The following TMEM123 variants were observed in gnomAD, a reference collection of about 807,000 sequenced individuals.
TMEM123 encodes the protein transmembrane protein 123.
Under a neutral mutation model 19.7 loss-of-function variants are expected in TMEM123, and 16 were observed. The observed-to-expected ratio is 0.81, with a 90% CI of 0.55 to 1.23. The LOEUF is 1.23. Among genes scored for constraint, TMEM123 ranks in the 50% most tolerant of loss-of-function variants. The probability of loss-of-function intolerance (pLI) is 0.00; values close to 1 mark genes in which losing one functional copy is unlikely to be tolerated. For missense variants in TMEM123, 313 were observed against 257.8 expected, an observed-to-expected ratio of 1.21 and a Z score of -1.47; for synonymous variants, 118 against 99.4, an observed-to-expected ratio of 1.19 and a Z score of -1.12.
chr11:102,437,040 A>G (rs766464842), intron 2 of TMEM123, among the ~76,000 whole-genome samples: 2 of 152,212 alleles, frequency 1.3e-5, no homozygotes, highest in African/African-American at 2.4e-5. Flanking sequence ...TGAAAAGGAA[A>G]AAAACCAAAT....
intron 2 of TMEM123, among the ~76,000 whole-genome samples, chr11:102,411,980 T>G: frequency 6.6e-6 from 1 of 152,152 alleles, no homozygotes; most frequent in South Asian, 2.1e-4. Flanking sequence ...GAGGAAGATC[T>G]ATCTACCACC....
At chr11:102,404,663 G>T (rs761857956) in intron 2 of TMEM123, among the ~76,000 whole-genome samples, 2 of 151,894 alleles carry the variant, frequency 1.3e-5, no homozygotes, top group Non-Finnish European at 2.9e-5. Flanking sequence ...CGGTGCCTGC[G>T]ATCTCGGCTC....
intron 2 of TMEM123, among the ~76,000 whole-genome samples, chr11:102,436,552 T>C (rs975967249): frequency 6.6e-6 from 1 of 151,974 alleles, no homozygotes. Flanking sequence ...AACAAAATTA[T>C]GTATTTAAAA....
intron 2 of TMEM123, among the ~76,000 whole-genome samples, chr11:102,403,249 A>T (rs1951928225): frequency 6.6e-6 from 1 of 152,172 alleles, no homozygotes; most frequent in African/African-American, 2.4e-5. Context: ...ACTTCAAGTG[A>T]TCTGCTCGCC....
intron 2 of TMEM123, among the ~76,000 whole-genome samples, chr11:102,411,075 C>T (rs1245624815): frequency 1.3e-5 from 2 of 152,116 alleles, no homozygotes; most frequent in Admixed American, 1.3e-4. Flanking sequence ...AGGACCCCCC[C>T]TTTTGCTCAA....
In TMEM123 at chr11:102,397,831, AAC is replaced by A. The variant is rs1739161989; in HGVS notation, c.*1034_*1035del. The stretch of plus-strand genomic sequence containing the variant: ...AAGTCCCACAATCCCTGGCTTAATA[AAC>A]ACAGCATTACGCTATAGTTTTGACT... On this transcript the variant is annotated 3_prime_UTR_variant, in exon 5 of 5. Transcript: ENST00000398136. 6.6e-6 allele frequency: 1 copy of A among 152,182 alleles called. No homozygotes were observed. The highest frequency in any genetic ancestry group is 1.5e-5 in the Non-Finnish European group (1 of 68,020). 9.4% of individuals were successfully genotyped at this position (152,182 alleles called of 1,614,324 possible).
At position 102,397,582 on chromosome 11, in the gene TMEM123, CTCCTTCAGCA is replaced by C. The variant is rs1214436574; in HGVS notation, c.*1275_*1284del. The stretch of plus-strand genomic sequence containing the variant: ...TAACATAATGCATCTGAGAGTACTT[CTCCTTCAGCA>C]TGGAGTAAGAGGAGGGATTTGAGGG... On this transcript the variant is annotated 3_prime_UTR_variant, in exon 5 of 5. Coordinates refer to ENST00000398136, the MANE Select transcript of TMEM123 (RefSeq NM_052932.3). 1 of 152,168 alleles carries C rather than the reference CTCCTTCAGCA, an allele frequency of 6.6e-6. No homozygotes were observed. Among genetic ancestry groups the C allele is most frequent in the Non-Finnish European group, 1.5e-5 (1 of 68,002 alleles). 9.4% of individuals were successfully genotyped at this position (152,168 alleles called of 1,614,324 possible). A position where few individuals can be genotyped will look rare whatever the true frequency, so the allele number is the denominator to read the frequency against.
intron 2 of TMEM123, among the ~76,000 whole-genome samples, chr11:102,439,496 G>A (rs1181884882): frequency 6.6e-6 from 1 of 152,098 alleles, no homozygotes; most frequent in Non-Finnish European, 1.5e-5. Flanking sequence ...ACTGTTAGAA[G>A]GAAAACTAAC....
intron 2 of TMEM123, among the ~76,000 whole-genome samples, chr11:102,432,067 G>T (rs1213966976): frequency 6.6e-6 from 1 of 152,204 alleles, no homozygotes; most frequent in Non-Finnish European, 1.5e-5. Context: ...AGCAGTGTAA[G>T]AACAGATTAA....
intron 2 of TMEM123, among the ~76,000 whole-genome samples, chr11:102,443,715 G>A (rs890096632): frequency 1.6e-4 from 25 of 152,260 alleles, no homozygotes; most frequent in Middle Eastern, 6.8e-3. Flanking sequence ...TTAAACTGAA[G>A]AGCTTTTGCA....
chr11:102,433,968 A>G (rs1026942908), intron 2 of TMEM123, among the ~76,000 whole-genome samples: 2 of 151,832 alleles, frequency 1.3e-5, no homozygotes, highest in African/African-American at 2.4e-5. Flanking sequence ...TTTTCCTTAT[A>G]AATTATCCAG....
At chr11:102,427,067 G>GTT (rs1352477742) in intron 2 of TMEM123, among the ~76,000 whole-genome samples, 2 of 138,720 alleles carry the variant, frequency 1.4e-5, no homozygotes, top group Admixed American at 7.2e-5. Context: ...TGTTTTGCGG[G>GTT]TTTTTTTTTT....
chr11:102,414,112 G>A (rs1199859952), intron 2 of TMEM123, among the ~76,000 whole-genome samples: 5 of 152,124 alleles, frequency 3.3e-5, no homozygotes, highest in African/African-American at 1.2e-4. Flanking sequence ...AGAGCTCAAA[G>A]ACTAGTTCTT....
At chr11:102,441,765 G>A (rs1857828701) in intron 2 of TMEM123, among the ~76,000 whole-genome samples, 1 of 151,306 alleles carries the variant, frequency 6.6e-6, no homozygotes, top group African/African-American at 2.4e-5. Flanking sequence ...TCCAGGAGCT[G>A]GCTTTTTGAA....
intron 2 of TMEM123, among the ~76,000 whole-genome samples, chr11:102,403,299 C>T (rs1441695316): frequency 1.3e-5 from 2 of 152,210 alleles, no homozygotes; most frequent in Non-Finnish European, 2.9e-5. Context: ...CATGAGCCAC[C>T]GTGCCCGGCC....
At chr11:102,423,103 A>G (rs1449881544) in intron 2 of TMEM123, among the ~76,000 whole-genome samples, 1 of 152,244 alleles carries the variant, frequency 6.6e-6, no homozygotes, top group Non-Finnish European at 1.5e-5. Flanking sequence ...ACTGTTTAGA[A>G]GAGTAAAAAT....
At chr11:102,430,975 G>A (rs1252848005) in intron 2 of TMEM123, among the ~76,000 whole-genome samples, 1 of 152,148 alleles carries the variant, frequency 6.6e-6, no homozygotes, top group East Asian at 1.9e-4. Context: ...GGTGAAAAAA[G>A]TAGTCAAACC....
At chr11:102,450,663 T>A (rs2135868725) in intron 1 of TMEM123, among the ~76,000 whole-genome samples, 1 of 152,384 alleles carries the variant, frequency 6.6e-6, no homozygotes, top group African/African-American at 2.4e-5. Flanking sequence ...GTGAAATGGT[T>A]AATTGAAAAT....
At chr11:102,449,623 T>C (rs992052427) in intron 1 of TMEM123, among the ~76,000 whole-genome samples, 1 of 152,238 alleles carries the variant, frequency 6.6e-6, no homozygotes. Context: ...TGGGCAAATT[T>C]CTTCTTTGTG....
Sources: allele counts gnomAD v4.1 joint callset (sites outside exome capture counted in the v4.1 genomes callset), GRCh38; gene constraint gnomAD v4.1.1; transcripts MANE v1.5; gene names NCBI Gene and HGNC (gene_info 2026-07-23, HGNC 2026-07-21).